ANK2: variants seen among roughly 807,000 people sequenced by gnomAD.
ANK2 encodes ankyrin 2.
A neutral mutation model predicts 360.5 loss-of-function variants in ANK2; 83 were observed. That is an observed-to-expected ratio of 0.23 (90% CI 0.19 to 0.28). The LOEUF is 0.28. ANK2 is among the 10% of genes least tolerant of loss of function. ANK2 has a pLI of 1.00. For missense variants in ANK2, 4,201 were observed against 4,795.7 expected, an observed-to-expected ratio of 0.88 and a Z score of 3.66; for synonymous variants, 1,740 against 1,759.5, an observed-to-expected ratio of 0.99 and a Z score of 0.28.
intron 2 of ANK2, among the ~76,000 whole-genome samples, chr4:113,018,427 A>T (rs2057219043): frequency 6.6e-6 from 1 of 152,238 alleles, no homozygotes; most frequent in African/African-American, 2.4e-5. Flanking sequence ...GGAGTTGGTC[A>T]TACTCTCTTA....
At chr4:112,938,484 C>CACTTTTATCT (rs1257717641) in intron 2 of ANK2, among the ~76,000 whole-genome samples, 1 of 152,156 alleles carries the variant, frequency 6.6e-6, no homozygotes, top group Non-Finnish European at 1.5e-5. Flanking sequence ...TATGTTCCAG[C>CACTTTTATCT]AATCTACTTT....
At chr4:112,934,321 C>G (rs12500579) in intron 2 of ANK2, among the ~76,000 whole-genome samples, 18,966 of 152,060 alleles carry the variant, frequency 0.12, 2,050 homozygotes, top group East Asian at 0.34. Flanking sequence ...CTGTCTTTGA[C>G]CTCGAGGTTG....
rs78336165 is a variant in ANK2 at position 113,025,104 on chromosome 4, G to A, written c.21+120590G>A. Among the ~76,000 whole-genome samples the A allele has an allele frequency of 2.5e-3, 384 of 151,622 alleles. 10 individuals are homozygous for A. The East Asian group carries it at 0.032, about 13-fold the overall frequency. ...TCTAATTCTTACATCCATAATTCAT[G>A]TACAAAGTTCTCCTTAATAGTCTTC... On this transcript the variant is annotated intron_variant, in intron 2 of 30. Transcript: ENST00000503271.
In ANK2 at chr4:113,354,622, G is replaced by T; in HGVS notation, c.6004G>T (p.Asp2002Tyr). The T allele has an allele frequency of 6.2e-7, 1 of 1,614,036 alleles. No individual in the cohort carries two copies. The highest frequency in any genetic ancestry group is 8.5e-7 in the Non-Finnish European group (1 of 1,179,982). The change falls in exon 38 of 46, where the codon GAC becomes TAC. Residue 2002 changes from aspartate to tyrosine, a missense_variant. Transcript: ENST00000357077. ...ELMKAFQSGQ[D>Y]PSKHKTGLFE... ...GATGAAGGCTTTCCAGTCAGGTCAG[G>T]ACCCTTCTAAACATAAAACTGGACT...
intron 2 of ANK2, among the ~76,000 whole-genome samples, chr4:113,192,365 G>A (rs200833630): frequency 1.0e-5 from 1 of 95,984 alleles, no homozygotes; most frequent in Non-Finnish European, 2.2e-5. Context: ...ACACACAGAC[G>A]TGTGTATAAA....
In ANK2 at chr4:113,354,591, G is replaced by A. The variant is rs781743429; in HGVS notation, c.5973G>A (p.Arg1991=). ...TERIEETMSV[R]ELMKAFQSGQ... is the part of the protein sequence containing the mutation. ...GGATTGAGGAAACCATGTCTGTTCG[G>A]GAGCTGATGAAGGCTTTCCAGTCAG... is the stretch of plus-strand genomic sequence containing the variant. The change falls in exon 38 of 46, where the codon CGG becomes CGA. Residue 1991 remains arginine (R), a synonymous_variant. Coordinates refer to ENST00000357077, the MANE Select transcript of ANK2 (RefSeq NM_001148.6). 1.2e-6 allele frequency: 2 copies of A among 1,613,972 alleles called. No individual in the cohort carries two copies. The highest frequency in any genetic ancestry group is 2.2e-5 in the South Asian group (2 of 91,070).
At chr4:112,877,027 T>C (rs991720990) in intron 1 of ANK2, among the ~76,000 whole-genome samples, 6 of 152,192 alleles carry the variant, frequency 3.9e-5, no homozygotes, top group Admixed American at 6.5e-5. Flanking sequence ...TCCCCCTTAA[T>C]TGAGATAAAT....
intron 32 of ANK2, among the ~76,000 whole-genome samples, chr4:113,341,372 T>C (rs1450777177): frequency 1.3e-5 from 2 of 152,226 alleles, no homozygotes; most frequent in Non-Finnish European, 2.9e-5. Flanking sequence ...ACTAAATATA[T>C]AGTTCAGAAA....
At chr4:113,031,648 GTTTGTTCT>G (rs2060438121) in intron 2 of ANK2, among the ~76,000 whole-genome samples, 2 of 151,596 alleles carry the variant, frequency 1.3e-5, no homozygotes, top group South Asian at 4.2e-4. Flanking sequence ...TAGACCAGTG[GTTTGTTCT>G]TTTGTTCTTT....
In ANK2 at chr4:112,986,905, A is replaced by G. The variant is rs149809397; in HGVS notation, c.21+82391A>G. Among the ~76,000 whole-genome samples, 4 of 152,306 alleles carry G rather than the reference A, an allele frequency of 2.6e-5. No homozygotes were observed. The East Asian group carries it at 7.7e-4, about 29-fold the overall frequency. ...TTAGATAGACACTGACACACATGGC[A>G]TATATCCAATTCCATTTTTTACATA... On this transcript the variant is annotated intron_variant, in intron 2 of 30. Transcript: ENST00000503271.
At chr4:113,212,563 C>T (rs2099036375) in intron 4 of ANK2, among the ~76,000 whole-genome samples, 1 of 152,182 alleles carries the variant, frequency 6.6e-6, no homozygotes, top group South Asian at 2.1e-4. Flanking sequence ...GATAAGAACG[C>T]AAATTCTGAA....
intron 1 of ANK2, among the ~76,000 whole-genome samples, chr4:113,127,458 CT>C (rs1028044799): frequency 7.5e-6 from 1 of 133,686 alleles, no homozygotes; most frequent in African/African-American, 2.8e-5. Flanking sequence ...AATTTTCTTT[CT>C]TTTTTTGTTT....
intron 1 of ANK2, chr4:112,826,965 T>C (rs2058545955): frequency 6.5e-7 from 1 of 1,535,862 alleles, no homozygotes; most frequent in South Asian, 1.1e-5. Flanking sequence ...CATTCAGTCA[T>C]GTAAAGATGA....
At chr4:113,051,019 A>G (rs2066738080) in intron 1 of ANK2, among the ~76,000 whole-genome samples, 1 of 152,192 alleles carries the variant, frequency 6.6e-6, no homozygotes, top group Admixed American at 6.5e-5. Flanking sequence ...GCGTAGAGAT[A>G]GTGATACAAT....
intron 22 of ANK2, among the ~76,000 whole-genome samples, chr4:113,296,081 T>G (rs576477508): frequency 5.3e-5 from 8 of 152,166 alleles, no homozygotes; most frequent in Non-Finnish European, 1.2e-4. Flanking sequence ...AGGGAAGATC[T>G]AAGCTTCAGA....
intron 1 of ANK2, among the ~76,000 whole-genome samples, chr4:112,898,297 A>T (rs926481136): frequency 2.0e-5 from 3 of 152,164 alleles, no homozygotes; most frequent in Admixed American, 2.0e-4. Flanking sequence ...CTCTTCTAGG[A>T]TACCAAATTT....
At chr4:113,120,159 T>C (rs1016484207) in intron 1 of ANK2, among the ~76,000 whole-genome samples, 10 of 152,162 alleles carry the variant, frequency 6.6e-5, no homozygotes, top group African/African-American at 2.4e-4. Context: ...CTATTGTATG[T>C]GTCATACTAT....
intron 2 of ANK2, chr4:113,034,586 A>G (rs548429833): frequency 2.3e-4 from 35 of 152,134 alleles, no homozygotes; most frequent in African/African-American, 8.4e-4. Flanking sequence ...ATCTGTAGAA[A>G]GGAGAAGAGA....
chr4:113,171,989 A>G (rs1262705510), intron 1 of ANK2, among the ~76,000 whole-genome samples: 1 of 152,112 alleles, frequency 6.6e-6, no homozygotes, highest in Non-Finnish European at 1.5e-5. Flanking sequence ...ATTCTTTTTT[A>G]TAGGAACAAT....
Sources: allele counts gnomAD v4.1 joint callset (sites outside exome capture counted in the v4.1 genomes callset), GRCh38; gene constraint gnomAD v4.1.1; transcripts MANE v1.5; gene names NCBI Gene and HGNC (gene_info 2026-07-23, HGNC 2026-07-21).